Variants in FOXO3 observed in about 807,000 individuals in gnomAD.
FOXO3 encodes the protein forkhead box O3, also known as forkhead box protein O3.
In FOXO3, 4 loss-of-function variants were observed where a neutral mutation model predicts 41.9. That is an observed-to-expected ratio of 0.10 (90% CI 0.05 to 0.22). The LOEUF (loss-of-function observed/expected upper bound fraction) is 0.22, where lower values mean the gene tolerates loss of function less well. Among genes scored for constraint, FOXO3 ranks in the 10% least tolerant of loss-of-function variants. The probability of loss-of-function intolerance (pLI) is 1.00; values close to 1 mark genes in which losing one functional copy is unlikely to be tolerated. For missense variants in FOXO3, 534 were observed against 906.8 expected (o/e 0.59, Z 5.28); for synonymous variants, 318 against 389.3 (o/e 0.82, Z 2.16).
At chr6:108,624,616 T>G (rs1448287939) in intron 1 of FOXO3, among the ~76,000 whole-genome samples, 1 of 152,176 alleles carries the variant, frequency 6.6e-6, no homozygotes, top group East Asian at 1.9e-4. Flanking sequence ...AATCCAAATA[T>G]AAAAAGTTAA....
chr6:108,560,426 CTTCT>C (rs549953107), upstream of FOXO3, among the ~76,000 whole-genome samples: 89 of 152,356 alleles, frequency 5.8e-4, no homozygotes, highest in Middle Eastern at 0.031. Flanking sequence ...GCTGCTCCCC[CTTCT>C]TTCTGTCTTT....
chr6:108,563,794 A>G (rs2128354915), intron 1 of FOXO3, among the ~76,000 whole-genome samples: 1 of 152,258 alleles, frequency 6.6e-6, no homozygotes, highest in Non-Finnish European at 1.5e-5. Flanking sequence ...AATGAACTTT[A>G]TTTTTGGGGG....
chr6:108,624,080 T>C (rs1175538878), intron 1 of FOXO3, among the ~76,000 whole-genome samples: 2 of 152,142 alleles, frequency 1.3e-5, no homozygotes, highest in Non-Finnish European at 2.9e-5. Context: ...GACAAGGAAA[T>C]TTCATCTCAT....
intron 2 of FOXO3, among the ~76,000 whole-genome samples, chr6:108,665,334 A>C (rs926992049): frequency 6.6e-6 from 1 of 152,156 alleles, no homozygotes; most frequent in African/African-American, 2.4e-5. Flanking sequence ...GCTTTTGTCA[A>C]TCTTCAGTGT....
chr6:108,660,726 G>T (rs190868101), intron 1 of FOXO3, among the ~76,000 whole-genome samples: 64 of 152,192 alleles, frequency 4.2e-4, no homozygotes, highest in African/African-American at 1.1e-3. Context: ...CAAAAATTAG[G>T]CCGGGCATGG....
At chr6:108,679,384 A>C (rs1252881006) in intron 2 of FOXO3, among the ~76,000 whole-genome samples, 3 of 152,096 alleles carry the variant, frequency 2.0e-5, no homozygotes, top group Non-Finnish European at 4.4e-5. Context: ...AAGAACCAGA[A>C]AAGTATAACT....
At chr6:108,569,243 T>C (rs1306300474) in intron 1 of FOXO3, among the ~76,000 whole-genome samples, 12 of 152,216 alleles carry the variant, frequency 7.9e-5, no homozygotes, top group Admixed American at 7.9e-4. Flanking sequence ...TCTTCCAAGT[T>C]AGAGTTCTGA....
intron 2 of FOXO3, among the ~76,000 whole-genome samples, chr6:108,669,311 C>A (rs886876739): frequency 1.1e-4 from 17 of 151,986 alleles, no homozygotes; most frequent in African/African-American, 4.1e-4. Flanking sequence ...ATCTTTGATG[C>A]TTGTTTGACT....
In FOXO3 at chr6:108,607,447, CAAAA is replaced by C. The variant is rs36097684; in HGVS notation, c.621+45633_621+45636del. Among the ~76,000 whole-genome samples, 4 of 87,242 alleles carry C rather than the reference CAAAA, an allele frequency of 4.6e-5. 1 individual carries two copies. The South Asian group carries it at 1.3e-3, about 28-fold the overall frequency. The allele number at this position is 87,242 out of a possible 152,430, so 57.2% of individuals were successfully genotyped here. A position where few individuals can be genotyped will look rare whatever the true frequency, so the allele number is the denominator to read the frequency against. On this transcript the variant is annotated intron_variant, in intron 1 of 2. Transcript: ENST00000406360. ...CCTGGGTGACAGAGCGAGACTATCT[CAAAA>C]AAAAAAAAAAAAAAGAAGAAGGAGT...
At position 108,568,216 on chromosome 6, in the gene FOXO3, T is replaced by TC. The variant is rs1491338626; in HGVS notation, c.621+6387_621+6388insC. On this transcript the variant is annotated intron_variant, in intron 1 of 2. Coordinates refer to ENST00000406360, the MANE Select transcript of FOXO3 (RefSeq NM_001455.4). ...GACAGAGTGAGACCCTCTCTCTCTC[T>TC]TTTTTTTTTTTTTTTAAAGCGTGTG... 1.5e-4 allele frequency among the ~76,000 whole-genome samples: 17 copies of TC among 112,208 alleles called. No individual in the cohort carries two copies. In the East Asian group the frequency reaches 1.7e-3, roughly 11 times the overall value. 73.6% of individuals were successfully genotyped at this position (112,208 alleles called of 152,430 possible).
chr6:108,662,758 A>G (rs2128386517), intron 1 of FOXO3, among the ~76,000 whole-genome samples: 1 of 152,324 alleles, frequency 6.6e-6, no homozygotes, highest in Non-Finnish European at 1.5e-5. Context: ...GTTTGTTGCA[A>G]AGTGCAGGGG....
intron 1 of FOXO3, among the ~76,000 whole-genome samples, chr6:108,592,288 A>G (rs1326049868): frequency 2.0e-5 from 3 of 152,192 alleles, no homozygotes; most frequent in Non-Finnish European, 4.4e-5. Flanking sequence ...TGTAAGTTAC[A>G]CCTCATAAAG....
At chr6:108,606,771 C>T (rs1010798038) in intron 1 of FOXO3, among the ~76,000 whole-genome samples, 1 of 152,150 alleles carries the variant, frequency 6.6e-6, no homozygotes, top group South Asian at 2.1e-4. Flanking sequence ...CACATGCTAC[C>T]TTGCACAGCT....
chr6:108,600,063 A>G (rs565205197), intron 1 of FOXO3, among the ~76,000 whole-genome samples: 2 of 152,126 alleles, frequency 1.3e-5, no homozygotes, highest in Non-Finnish European at 2.9e-5. Context: ...TTAGAAAACT[A>G]GATCCATTGG....
chr6:108,580,466 G>A (rs563542765), intron 1 of FOXO3, among the ~76,000 whole-genome samples: 15 of 152,276 alleles, frequency 9.9e-5, no homozygotes, highest in African/African-American at 3.6e-4. Flanking sequence ...GATTACAGGC[G>A]TGAGCCACCG....
At chr6:108,640,969 A>G (rs1778241799) in intron 1 of FOXO3, among the ~76,000 whole-genome samples, 1 of 152,106 alleles carries the variant, frequency 6.6e-6, no homozygotes, top group South Asian at 2.1e-4. Flanking sequence ...GCTAGAGTGC[A>G]ATGGCGCAAT....
chr6:108,652,101 G>A (rs1265621739), intron 1 of FOXO3, among the ~76,000 whole-genome samples: 2 of 152,174 alleles, frequency 1.3e-5, no homozygotes, highest in Non-Finnish European at 2.9e-5. Flanking sequence ...GGCCTGCCAG[G>A]GACAGCCAGG....
chr6:108,597,888 C>T (rs1301276155), intron 1 of FOXO3, among the ~76,000 whole-genome samples: 2 of 152,146 alleles, frequency 1.3e-5, no homozygotes, highest in African/African-American at 2.4e-5. Flanking sequence ...TATTGTAGTA[C>T]TAAAAGGTAC....
At chr6:108,566,017 GT>G (rs1775938572) in intron 1 of FOXO3, among the ~76,000 whole-genome samples, 1 of 152,060 alleles carries the variant, frequency 6.6e-6, no homozygotes, top group African/African-American at 2.4e-5. Context: ...CCAAAATGTC[GT>G]TTTGTAATTT....
Sources: allele counts gnomAD v4.1 joint callset (sites outside exome capture counted in the v4.1 genomes callset), GRCh38; gene constraint gnomAD v4.1.1; transcripts MANE v1.5; gene names NCBI Gene and HGNC (gene_info 2026-07-23, HGNC 2026-07-21).